Variants in MAPKAPK2 observed in about 807,000 individuals in gnomAD.
The protein encoded by MAPKAPK2 is MAPK activated protein kinase 2.
Under a neutral mutation model 48.8 loss-of-function variants are expected in MAPKAPK2, and 9 were observed. That is an observed-to-expected ratio of 0.18 (90% confidence interval 0.11 to 0.32). The LOEUF is 0.32. Ranked by LOEUF, MAPKAPK2 falls within the 10% of genes least tolerant of loss-of-function variation. The pLI is 1.00. For synonymous variants in MAPKAPK2, 202 were observed against 190.6 expected (o/e 1.06, Z -0.49); for missense variants, 331 against 498.3 (o/e 0.66, Z 3.20).
Position 206,732,611 on chromosome 1 carries a change from G to A in MAPKAPK2, c.1096G>A (p.Asp366Asn). ...MTSALATMRV[D>N]YEQIKIKKIE... ...CAGTGCCTTGGCCACAATGCGCGTT[G>A]ACTACGAGCAGATCAAGATAAAAAA... Residue 366 changes from aspartate to asparagine, a missense_variant, in exon 10 of 10, where the codon GAC becomes AAC. By Grantham distance (23) the Asp-to-Asn change is conservative (BLOSUM62 1). This residue lies in a region of MAPKAPK2 where 124 missense variants were observed against 194.6 expected (regional missense o/e 0.64). Transcript: ENST00000367103. This position sits in a 1 kb window ranked among gnomAD's most constrained non-coding sequence, Gnocchi z 4.4. 6.2e-7 allele frequency: 1 copy of A among 1,614,096 alleles called. No individual in the cohort carries two copies. The highest frequency in any genetic ancestry group is 8.5e-7 in the Non-Finnish European group (1 of 1,180,028).
rs1190264680 is a variant in MAPKAPK2 at position 206,685,520 on chromosome 1, GCCCGGGGAGGGGAGGCGGGGCCGGT to G, written c.279+19_279+43del. ...AATTCGCCCTCAAAGTAGGTCTGGG[GCCCGGGGAGGGGAGGCGGGGCCGGT>G]CCCGGGCCCTGGAGCTCCACGGCGT... is the stretch of plus-strand genomic sequence containing the variant. On this transcript the variant is annotated intron_variant, in intron 1 of 9. Coordinates refer to ENST00000367103, the MANE Select transcript of MAPKAPK2 (RefSeq NM_032960.4). 1 of 1,500,508 alleles carries G rather than the reference GCCCGGGGAGGGGAGGCGGGGCCGGT, an allele frequency of 6.7e-7. No homozygotes were observed. Among genetic ancestry groups the G allele is most frequent in the Admixed American group, 2.0e-5 (1 of 50,300 alleles). 92.9% of individuals were successfully genotyped at this position (1,500,508 alleles called of 1,614,324 possible). A position where few individuals can be genotyped will look rare whatever the true frequency, so the allele number is the denominator to read the frequency against.
chr1:206,719,728 A>G (rs1553430961), intron 1 of MAPKAPK2, among the ~76,000 whole-genome samples: 2 of 152,162 alleles, frequency 1.3e-5, no homozygotes, highest in Admixed American at 6.5e-5. Context: ...TTATGCTTCC[A>G]AGCTGGGCTA....
chr1:206,709,251 C>A (rs538541201), intron 1 of MAPKAPK2, among the ~76,000 whole-genome samples: 3 of 152,186 alleles, frequency 2.0e-5, no homozygotes, highest in Non-Finnish European at 4.4e-5. Flanking sequence ...CAGGGTTTCT[C>A]TTCTTCCGGC....
rs782672013 is a variant in MAPKAPK2 at position 206,730,668 on chromosome 1, T to C, written c.692-20T>C. 1 of 1,610,712 alleles carries C rather than the reference T, an allele frequency of 6.2e-7. No individual in the cohort carries two copies. The highest frequency in any genetic ancestry group is 1.1e-5 in the South Asian group (1 of 90,988). ...AGGGTTCTGAGGGCCGGCCCACCCATGTTGACCTTTGATTTGCAGCTCCAG... is the reference window on the plus strand; with the variant it reads ...AGGGTTCTGAGGGCCGGCCCACCCACGTTGACCTTTGATTTGCAGCTCCAG... On this transcript the variant is annotated intron_variant, in intron 5 of 9. Transcript: ENST00000367103.
At chr1:206,703,192 A>C (rs1672853065) in intron 1 of MAPKAPK2, among the ~76,000 whole-genome samples, 1 of 152,234 alleles carries the variant, frequency 6.6e-6, no homozygotes, top group South Asian at 2.1e-4. Flanking sequence ...GCAGCTGATA[A>C]TTAACAGACA....
At chr1:206,728,270 T>C (rs1553432087) in intron 1 of MAPKAPK2, among the ~76,000 whole-genome samples, 1 of 152,064 alleles carries the variant, frequency 6.6e-6, no homozygotes, top group African/African-American at 2.4e-5. Context: ...TGGGTCTGAG[T>C]AATTGCTGAG....
At chr1:206,730,584 A>G (rs1673870010) in intron 5 of MAPKAPK2, 104 bp from the exon 6 acceptor site, 10 of 997,174 alleles carry the variant, frequency 1.0e-5, no homozygotes, top group Middle Eastern at 2.1e-4. Flanking sequence ...CTGCCACCTC[A>G]TGATAGGCTG....
At chr1:206,692,395 A>G (rs953384011) in intron 1 of MAPKAPK2, among the ~76,000 whole-genome samples, 20 of 152,338 alleles carry the variant, frequency 1.3e-4, no homozygotes, top group Admixed American at 1.2e-3. Context: ...AATCCAAGGA[A>G]GCAGGAGGAA....
intron 4 of MAPKAPK2, 43 bp downstream of exon 4, chr1:206,729,518 C>T: frequency 6.4e-7 from 1 of 1,551,402 alleles, no homozygotes; most frequent in Non-Finnish European, 8.9e-7. Context: ...CTGTGGGGGG[C>T]AACAAAGGGG....
intron 3 of MAPKAPK2, 147 bp from the exon 4 acceptor site, chr1:206,729,249 G>T: frequency 9.2e-7 from 1 of 1,083,552 alleles, no homozygotes; most frequent in Non-Finnish European, 1.4e-6. Flanking sequence ...GACCAGGGAA[G>T]CTCCTGGTGG....
At chr1:206,730,480 A>C (rs1418222920) in intron 5 of MAPKAPK2, among the ~76,000 whole-genome samples, 2 of 152,186 alleles carry the variant, frequency 1.3e-5, no homozygotes, top group African/African-American at 4.8e-5. Flanking sequence ...GATTTTTAGA[A>C]TCTTAAGCTC....
intron 1 of MAPKAPK2, among the ~76,000 whole-genome samples, chr1:206,688,822 G>A (rs1233011280): frequency 6.6e-6 from 1 of 152,028 alleles, no homozygotes; most frequent in African/African-American, 2.4e-5. Context: ...TTTTAGTAGA[G>A]ATGGGGTTTC....
intron 1 of MAPKAPK2, among the ~76,000 whole-genome samples, chr1:206,711,607 CTTTTTTT>C (rs781793889): frequency 8.7e-6 from 1 of 115,504 alleles, no homozygotes; most frequent in Non-Finnish European, 1.7e-5. Flanking sequence ...CTACCTCATT[CTTTTTTT>C]TTTTTTTTTT....
At position 206,731,945 on chromosome 1, in the gene MAPKAPK2, G is replaced by A; in HGVS notation, c.1059+26G>A. 6.2e-7 allele frequency: 1 copy of A among 1,614,158 alleles called. No homozygotes were observed. Among genetic ancestry groups the A allele is most frequent in the African/African-American group, 1.3e-5 (1 of 75,044 alleles). ...GTGAGGGGCACCACTGGGTGAGAGG[G>A]GCTCCAGGTGGGGTGGGCGGCTTGC... On this transcript the variant is annotated intron_variant, in intron 9 of 9. Coordinates refer to ENST00000367103, the MANE Select transcript of MAPKAPK2 (RefSeq NM_032960.4). The surrounding 1 kb of genome is among the most constrained non-coding windows in gnomAD (Gnocchi z 5.9).
At chr1:206,698,288 TA>T (rs1672691974) in intron 1 of MAPKAPK2, among the ~76,000 whole-genome samples, 1 of 152,240 alleles carries the variant, frequency 6.6e-6, no homozygotes, top group Non-Finnish European at 1.5e-5. Context: ...CTCTTGGGTT[TA>T]GACCCCTTTA....
At chr1:206,713,528 G>A (rs1413754340) in intron 1 of MAPKAPK2, among the ~76,000 whole-genome samples, 2 of 152,196 alleles carry the variant, frequency 1.3e-5, no homozygotes, top group Non-Finnish European at 2.9e-5. Flanking sequence ...GACCCAAGAT[G>A]TACTGGGATG....
rs1553433086 is a variant in MAPKAPK2, at chr1:206,733,275, A to AGT, written c.*560_*561dup. 1.8e-5 allele frequency: 2 copies of AGT among 111,748 alleles called. No individual in the cohort carries two copies. Among genetic ancestry groups the AGT allele is most frequent in the African/African-American group, 9.2e-5 (2 of 21,642 alleles). The allele number at this position is 111,748 out of a possible 1,614,324, so 6.9% of individuals were successfully genotyped here. A position where few individuals can be genotyped will look rare whatever the true frequency, so the allele number is the denominator to read the frequency against. ...CCAGTGTGCCAGACAAATAGGAGTG[A>AGT]GTGTATGTGTGTGTGTGTGTGTGTG... On this transcript the variant is annotated 3_prime_UTR_variant, in exon 10 of 10. Transcript: ENST00000367103.
chr1:206,693,580 C>G (rs998837296), intron 1 of MAPKAPK2, among the ~76,000 whole-genome samples: 3 of 152,190 alleles, frequency 2.0e-5, no homozygotes, highest in Admixed American at 2.0e-4. Context: ...GTGCTCGCCT[C>G]CAGCCCTGGC....
chr1:206,725,639 G>T (rs532378847), intron 1 of MAPKAPK2, among the ~76,000 whole-genome samples: 1 of 152,288 alleles, frequency 6.6e-6, no homozygotes, highest in South Asian at 2.1e-4. Context: ...AGAAGAAATT[G>T]ACAAATTTCA....
Sources: gnomAD v4.1 joint callset for allele counts (sites outside exome capture counted in the v4.1 genomes callset) on GRCh38, gnomAD v4.1.1 for gene constraint, gnomAD v4.1.1 regional missense constraint, Gnocchi (gnomAD v3.1) non-coding constraint, MANE v1.5 for transcripts, NCBI Gene and HGNC (gene_info 2026-07-23, HGNC 2026-07-21) for gene names.